WLS: variants seen among roughly 807,000 people sequenced by gnomAD.
The protein encoded by WLS is protein wntless homolog.
Under a neutral mutation model 62.8 loss-of-function variants are expected in WLS, and 23 were observed. The ratio of observed to expected loss-of-function variants is 0.37; its 90% CI spans 0.26 to 0.52. The LOEUF is 0.52. Among genes scored for constraint, WLS ranks in the 20% least tolerant of loss-of-function variants. The probability of loss-of-function intolerance (pLI) is 0.92; values close to 1 mark genes in which losing one functional copy is unlikely to be tolerated. For synonymous variants in WLS, 246 were observed against 244.1 expected, an observed-to-expected ratio of 1.01 and a Z score of -0.07; for missense variants, 615 against 697.3, an observed-to-expected ratio of 0.88 and a Z score of 1.33.
chr1:68,100,011 A>G (rs764287492), intron 11 of WLS, among the ~76,000 whole-genome samples: 3 of 152,270 alleles, frequency 2.0e-5, no homozygotes, highest in Non-Finnish European at 2.9e-5. Context: ...TGTAAGCACT[A>G]TATAAACATT....
chr1:68,176,306 G>A (rs1373409954), intron 2 of WLS: 3 of 152,242 alleles, frequency 2.0e-5, no homozygotes, highest in Non-Finnish European at 2.9e-5. Flanking sequence ...GCAAAAGGGA[G>A]TCAGATTTTA....
At chr1:68,197,254 C>T (rs1181579112) in intron 1 of WLS, among the ~76,000 whole-genome samples, 5 of 152,002 alleles carry the variant, frequency 3.3e-5, no homozygotes, top group East Asian at 3.9e-4. Flanking sequence ...ATGCAGTGAA[C>T]GCCTGCCTTT....
chr1:68,199,087 C>T (rs1648845525), intron 1 of WLS, among the ~76,000 whole-genome samples: 1 of 152,096 alleles, frequency 6.6e-6, no homozygotes. Flanking sequence ...GACTTGGTTG[C>T]CTCTTAGAAA....
intron 1 of WLS, among the ~76,000 whole-genome samples, chr1:68,230,334 G>T (rs1487466198): frequency 1.3e-5 from 2 of 152,122 alleles, no homozygotes; most frequent in East Asian, 3.9e-4. Context: ...CAAGGTGCAA[G>T]AAATTTTAAT....
chr1:68,098,493 T>A, exon 12 of WLS: 1 of 1,337,708 alleles, frequency 7.5e-7, no homozygotes, highest in Non-Finnish European at 1.0e-6. Context: ...AGAATATTTA[T>A]TGTTGACGCT....
intron 3 of WLS, 87 bp from the exon 4 acceptor site, chr1:68,155,347 A>T (rs895027933): frequency 6.8e-7 from 1 of 1,470,954 alleles, no homozygotes; most frequent in African/African-American, 1.4e-5. Flanking sequence ...CATAACATCA[A>T]TTGTAAGCAG....
chr1:68,147,841 G>T (rs1165063226), intron 8 of WLS, among the ~76,000 whole-genome samples: 1 of 152,198 alleles, frequency 6.6e-6, no homozygotes, highest in Non-Finnish European at 1.5e-5. Flanking sequence ...GCTTCAGTCT[G>T]CAGGAAACAG....
At chr1:68,123,968 A>C (rs573089006), downstream of WLS, among the ~76,000 whole-genome samples, 2 of 129,864 alleles carry the variant, frequency 1.5e-5, no homozygotes, top group Admixed American at 1.7e-4. Context: ...AGCTTGCTAG[A>C]GTTGGCTCCT....
intron 11 of WLS, among the ~76,000 whole-genome samples, chr1:68,137,288 A>T (rs1646624521): frequency 6.6e-6 from 1 of 150,608 alleles, no homozygotes; most frequent in African/African-American, 2.4e-5. Flanking sequence ...AGAACTGGGG[A>T]CAGGAGAATA....
At chr1:68,126,711 G>A (rs1054800773) in intron 11 of WLS, among the ~76,000 whole-genome samples, 10 of 152,152 alleles carry the variant, frequency 6.6e-5, no homozygotes, top group African/African-American at 1.9e-4. Flanking sequence ...CAGTATGAAC[G>A]TGCCAGCCTT....
At chr1:68,230,143 G>T (rs912071318) in intron 1 of WLS, among the ~76,000 whole-genome samples, 1 of 152,044 alleles carries the variant, frequency 6.6e-6, no homozygotes. Context: ...TTTCAGAAGT[G>T]CCCTAGGAAG....
In WLS at chr1:68,126,350, T is replaced by G; in HGVS notation, c.1517-15A>C. The stretch of plus-strand genomic sequence containing the variant: ...ACCCAGATCGCCTGAAACAGGGTTT[T>G]CGGTGTTAGATGCATTCAAGGAGGA... On this transcript the variant is annotated splice_polypyrimidine_tract_variant and intron_variant, in intron 11 of 11. Coordinates refer to ENST00000262348, the MANE Select transcript of WLS (RefSeq NM_024911.7). 1.9e-6 allele frequency: 3 copies of G among 1,613,874 alleles called. No homozygotes were observed. The highest frequency in any genetic ancestry group is 2.5e-6 in the Non-Finnish European group (3 of 1,179,970).
At chr1:68,106,058 C>A (rs1201399456) in intron 11 of WLS, among the ~76,000 whole-genome samples, 1 of 151,902 alleles carries the variant, frequency 6.6e-6, no homozygotes, top group African/African-American at 2.4e-5. Context: ...AATCAAGTAC[C>A]TCGCTCTGAA....
At chr1:68,207,179 G>A (rs1649315072) in intron 1 of WLS, among the ~76,000 whole-genome samples, 1 of 152,134 alleles carries the variant, frequency 6.6e-6, no homozygotes, top group African/African-American at 2.4e-5. Context: ...AATATGAGAA[G>A]GTAGGTCTAA....
chr1:68,139,960 C>T (rs1185371986), intron 10 of WLS, among the ~76,000 whole-genome samples: 1 of 152,222 alleles, frequency 6.6e-6, no homozygotes, highest in Non-Finnish European at 1.5e-5. Context: ...TCATTTAAAA[C>T]ATTGCTTTCC....
At chr1:68,224,961 C>A (rs1286988994) in intron 1 of WLS, among the ~76,000 whole-genome samples, 1 of 152,162 alleles carries the variant, frequency 6.6e-6, no homozygotes, top group Non-Finnish European at 1.5e-5. Context: ...TTTACTATCT[C>A]TGCACTCTTA....
intron 11 of WLS, among the ~76,000 whole-genome samples, chr1:68,107,984 C>A (rs1229475462): frequency 2.0e-5 from 3 of 152,182 alleles, no homozygotes; most frequent in Non-Finnish European, 4.4e-5. Flanking sequence ...CAGCTAGGGA[C>A]AATCCCGAGG....
intron 2 of WLS, among the ~76,000 whole-genome samples, chr1:68,190,507 C>G (rs1431189130): frequency 2.6e-5 from 4 of 152,212 alleles, no homozygotes; most frequent in Admixed American, 6.5e-5. Context: ...TGCTCAGGCT[C>G]TCTCTTGGCT....
intron 11 of WLS, among the ~76,000 whole-genome samples, chr1:68,109,987 C>T (rs1430749): frequency 0.55 from 66,945 of 122,658 alleles, 16,357 homozygotes; most frequent in Middle Eastern, 0.67. Flanking sequence ...TGAATTTGCA[C>T]TGGAACACAA....
Sources: gnomAD v4.1 joint callset for allele counts (sites outside exome capture counted in the v4.1 genomes callset) on GRCh38, gnomAD v4.1.1 for gene constraint, MANE v1.5 for transcripts, NCBI Gene and HGNC (gene_info 2026-07-23, HGNC 2026-07-21) for gene names.